Variants in NEGR1 observed in about 807,000 individuals in gnomAD.
The protein encoded by NEGR1 is IgLON family member 4.
A neutral mutation model predicts 40.9 loss-of-function variants in NEGR1; 10 were observed. The ratio of observed to expected loss-of-function variants is 0.24; its 90% CI spans 0.15 to 0.42. The LOEUF is 0.42. NEGR1 is among the 10% of genes least tolerant of loss of function. The probability of loss-of-function intolerance (pLI) is 1.00; values close to 1 mark genes in which losing one functional copy is unlikely to be tolerated. For missense variants in NEGR1, 352 were observed against 438.9 expected, an observed-to-expected ratio of 0.80 and a Z score of 1.77; for synonymous variants, 185 against 166.8, an observed-to-expected ratio of 1.11 and a Z score of -0.84.
At chr1:71,978,843 C>G (rs1466196022) in intron 1 of NEGR1, among the ~76,000 whole-genome samples, 1 of 152,042 alleles carries the variant, frequency 6.6e-6, no homozygotes, top group African/African-American at 2.4e-5. Context: ...CCCACCAATC[C>G]CATTACATAC....
chr1:72,131,760 G>A (rs1650260091), intron 1 of NEGR1, among the ~76,000 whole-genome samples: 1 of 152,148 alleles, frequency 6.6e-6, no homozygotes, highest in Non-Finnish European at 1.5e-5. Context: ...GTCTACATTA[G>A]TGAACCAATA....
intron 4 of NEGR1, among the ~76,000 whole-genome samples, chr1:71,657,401 C>T (rs1201659051): frequency 1.3e-5 from 2 of 152,174 alleles, no homozygotes; most frequent in Admixed American, 1.3e-4. Flanking sequence ...TAATAAATAA[C>T]ATGAATGCTC....
chr1:72,126,091 ATGTGTGTG>A (rs67552146), intron 1 of NEGR1, among the ~76,000 whole-genome samples: 2,067 of 146,810 alleles, frequency 0.014, 34 homozygotes, highest in African/African-American at 0.038. Flanking sequence ...AGAGAAAAGT[ATGTGTGTG>A]TGTGTGTGTG....
chr1:71,835,788 T>C (rs1255822804), intron 2 of NEGR1, among the ~76,000 whole-genome samples: 1 of 152,164 alleles, frequency 6.6e-6, no homozygotes, highest in Non-Finnish European at 1.5e-5. Flanking sequence ...TTTGGAACTA[T>C]GTGACTTTGT....
At chr1:71,479,079 T>G (rs888260811) in intron 6 of NEGR1, among the ~76,000 whole-genome samples, 1 of 152,030 alleles carries the variant, frequency 6.6e-6, no homozygotes, top group Non-Finnish European at 1.5e-5. Flanking sequence ...ATAAGTTACT[T>G]TATTAATAAA....
intron 2 of NEGR1, among the ~76,000 whole-genome samples, chr1:71,879,777 C>A (rs2101841720): frequency 6.6e-6 from 1 of 152,164 alleles, no homozygotes; most frequent in African/African-American, 2.4e-5. Context: ...TTTTTTTCCT[C>A]TATGTTCAGA....
At chr1:71,788,091 A>G (rs1656975569) in intron 2 of NEGR1, among the ~76,000 whole-genome samples, 1 of 152,298 alleles carries the variant, frequency 6.6e-6, no homozygotes, top group Non-Finnish European at 1.5e-5. Flanking sequence ...TTCTGCTTCC[A>G]AAAAATAATT....
intron 2 of NEGR1, among the ~76,000 whole-genome samples, chr1:71,848,275 C>T (rs543060268): frequency 1.4e-4 from 22 of 152,142 alleles, no homozygotes; most frequent in Non-Finnish European, 3.2e-4. Context: ...TAAATAACAT[C>T]GTTGATGGAG....
chr1:71,448,028 T>C (rs1297313760), intron 6 of NEGR1, among the ~76,000 whole-genome samples: 2 of 152,086 alleles, frequency 1.3e-5, no homozygotes, highest in Admixed American at 6.6e-5. Context: ...TTGAATGAAA[T>C]GGGAAAGAAC....
intron 6 of NEGR1, among the ~76,000 whole-genome samples, chr1:71,574,822 C>T (rs954213596): frequency 6.6e-6 from 1 of 152,098 alleles, no homozygotes; most frequent in Non-Finnish European, 1.5e-5. Flanking sequence ...TATATGATGC[C>T]TTATTCGGTG....
chr1:71,583,284 A>C (rs530299833), intron 6 of NEGR1, among the ~76,000 whole-genome samples: 4 of 152,328 alleles, frequency 2.6e-5, no homozygotes, highest in Non-Finnish European at 1.5e-5. Context: ...TAATAAATGG[A>C]AGATTTATCA....
In NEGR1 at chr1:71,971,864, T is replaced by C. The variant is rs1489419207; in HGVS notation, c.177-36553A>G. Among the ~76,000 whole-genome samples, 3 of 152,242 alleles carry C rather than the reference T, an allele frequency of 2.0e-5. No individual in the cohort carries two copies. In the East Asian group the frequency reaches 5.8e-4, roughly 29 times the overall value. On this transcript the variant is annotated intron_variant, in intron 1 of 6. Transcript: ENST00000357731. Reference sequence around the variant, plus strand: ...TATTTTCAAATGTATTTGCTAACGTTATCTGCTTCTTTCTCTGAATGCAGT... The same window carrying C: ...TATTTTCAAATGTATTTGCTAACGTCATCTGCTTCTTTCTCTGAATGCAGT...
chr1:71,681,205 A>C (rs536047247), intron 4 of NEGR1, among the ~76,000 whole-genome samples: 19 of 152,370 alleles, frequency 1.2e-4, no homozygotes, highest in African/African-American at 4.1e-4. Flanking sequence ...CCAATAACAT[A>C]ATCAACTTTA....
intron 4 of NEGR1, among the ~76,000 whole-genome samples, chr1:71,653,062 A>G (rs941323979): frequency 2.0e-5 from 3 of 152,146 alleles, no homozygotes; most frequent in South Asian, 2.1e-4. Flanking sequence ...TGAGAACTCA[A>G]AGCTCTGACT....
At chr1:71,650,303 A>G (rs1177309496) in intron 4 of NEGR1, among the ~76,000 whole-genome samples, 2 of 152,120 alleles carry the variant, frequency 1.3e-5, no homozygotes, top group Non-Finnish European at 2.9e-5. Flanking sequence ...TTTGAACTGG[A>G]AGTTATAGCT....
chr1:71,454,804 T>C (rs1646660863), intron 6 of NEGR1, among the ~76,000 whole-genome samples: 2 of 152,308 alleles, frequency 1.3e-5, no homozygotes, highest in South Asian at 4.1e-4. Flanking sequence ...GGGGATAAAA[T>C]GTAATAACAA....
At chr1:71,579,170 T>G (rs1649050740) in intron 6 of NEGR1, among the ~76,000 whole-genome samples, 1 of 152,202 alleles carries the variant, frequency 6.6e-6, no homozygotes, top group Non-Finnish European at 1.5e-5. Flanking sequence ...AGCATCTGCC[T>G]TTCTTTTCAC....
At chr1:72,251,469 C>T (rs547785258) in intron 1 of NEGR1, among the ~76,000 whole-genome samples, 4 of 152,206 alleles carry the variant, frequency 2.6e-5, no homozygotes, top group African/African-American at 9.6e-5. Flanking sequence ...GGTATCCATA[C>T]GGGGTTAGTT....
chr1:71,910,280 C>G (rs1661390573), intron 2 of NEGR1, among the ~76,000 whole-genome samples: 1 of 152,152 alleles, frequency 6.6e-6, no homozygotes, highest in Non-Finnish European at 1.5e-5. Context: ...GAGCAAGCAA[C>G]TGTTGTAAAA....
Sources: gnomAD v4.1 joint callset for allele counts (sites outside exome capture counted in the v4.1 genomes callset) on GRCh38, gnomAD v4.1.1 for gene constraint, MANE v1.5 for transcripts, NCBI Gene and HGNC (gene_info 2026-07-23, HGNC 2026-07-21) for gene names.